Variants in TJP1 observed in about 807,000 individuals in gnomAD.
TJP1 encodes the protein tight junction protein ZO-1.
TJP1 carries 43 observed loss-of-function variants against 194.2 expected under a neutral mutation model. The ratio of observed to expected loss-of-function variants is 0.22; its 90% CI spans 0.17 to 0.29. TJP1 has a LOEUF of 0.29. Among genes scored for constraint, TJP1 ranks in the 10% least tolerant of loss-of-function variants. The pLI, the probability that TJP1 is intolerant of heterozygous loss-of-function variation, is 1.00. For synonymous variants in TJP1, 801 were observed against 779.0 expected (o/e 1.03, Z -0.47); for missense variants, 1,971 against 2,185.7 (o/e 0.90, Z 1.96).
At chr15:29,825,565 A>G (rs141791464), upstream of TJP1, among the ~76,000 whole-genome samples, 1 of 152,312 alleles carries the variant, frequency 6.6e-6, no homozygotes, top group East Asian at 1.9e-4. Flanking sequence ...GACCAAATGA[A>G]CAACTATATC....
At chr15:29,852,618 A>C (rs1401892450) in intron 2 of TJP1, among the ~76,000 whole-genome samples, 1 of 152,234 alleles carries the variant, frequency 6.6e-6, no homozygotes, top group East Asian at 1.9e-4. Context: ...CCAGCAAAAT[A>C]AAAACTTAGG....
chr15:29,962,763 C>T (rs972428809), intron 1 of TJP1, among the ~76,000 whole-genome samples: 17 of 152,214 alleles, frequency 1.1e-4, no homozygotes, highest in African/African-American at 3.9e-4. Flanking sequence ...AGCTTAATAA[C>T]TCATGTAATA....
In TJP1 at chr15:29,798,286, C is replaced by A. The variant is rs1448671748; in HGVS notation, c.84+2360G>T. On this transcript the variant is annotated intron_variant, in intron 2 of 27. Coordinates refer to ENST00000614355, the MANE Select transcript of TJP1 (RefSeq NM_001330239.4). ...GTGCCCAGCGTTTTTTTTTTTTTTT[C>A]TTTTCTTTCTAAATCTGACAATACG... Among the ~76,000 whole-genome samples the A allele has an allele frequency of 4.1e-5, 4 of 98,248 alleles. No homozygotes were observed. In the East Asian group the frequency reaches 1.2e-3, roughly 29 times the overall value. 64.5% of individuals were successfully genotyped at this position (98,248 alleles called of 152,430 possible). A position where few individuals can be genotyped will look rare whatever the true frequency, so the allele number is the denominator to read the frequency against.
chr15:29,912,577 A>G (rs947988671), intron 2 of TJP1, among the ~76,000 whole-genome samples: 4 of 151,734 alleles, frequency 2.6e-5, no homozygotes, highest in Non-Finnish European at 4.4e-5. Flanking sequence ...GTGGTAGTGC[A>G]TGCCTGTAAT....
chr15:29,907,935 T>C (rs2053871600), intron 2 of TJP1, among the ~76,000 whole-genome samples: 1 of 151,212 alleles, frequency 6.6e-6, no homozygotes, highest in Non-Finnish European at 1.5e-5. Flanking sequence ...TTTCTGCTCT[T>C]TAGAAAAACA....
Position 29,822,046 on chromosome 15 carries a change from CCG to C in TJP1, c.-20_-19del. 1 of 1,312,446 alleles carries C rather than the reference CCG, an allele frequency of 7.6e-7. No individual in the cohort carries two copies. The highest frequency in any genetic ancestry group is 2.4e-5 in the South Asian group (1 of 42,520). The allele number at this position is 1,312,446 out of a possible 1,614,324, so 81.3% of individuals were successfully genotyped here. A position where few individuals can be genotyped will look rare whatever the true frequency, so the allele number is the denominator to read the frequency against. ...GCGGACATCTTGTCTCTCTCCAGCG[CCG>C]CGCGAGGCTCCTCGGACCCGAAACT... On this transcript the variant is annotated 5_prime_UTR_variant, in exon 1 of 28. Coordinates refer to ENST00000614355, the MANE Select transcript of TJP1 (RefSeq NM_001330239.4).
At chr15:29,956,152 C>T (rs934398030) in intron 2 of TJP1, 39 of 1,077,366 alleles carry the variant, frequency 3.6e-5, no homozygotes, top group Non-Finnish European at 4.3e-5. Context: ...AATAAGTCTG[C>T]TGCATTTTTA....
chr15:29,888,604 T>C (rs531012098), intron 2 of TJP1, among the ~76,000 whole-genome samples: 115 of 152,342 alleles, frequency 7.5e-4, no homozygotes, highest in African/African-American at 2.5e-3. Context: ...GGCATTTAAA[T>C]ACAAATAAAA....
intron 23 of TJP1, among the ~76,000 whole-genome samples, chr15:29,713,541 G>T (rs2042371014): frequency 6.6e-6 from 1 of 152,158 alleles, no homozygotes; most frequent in Non-Finnish European, 1.5e-5. Flanking sequence ...AGAAAATTTT[G>T]CTACTCCTGT....
chr15:29,929,935 A>T (rs2054652186), intron 2 of TJP1, among the ~76,000 whole-genome samples: 1 of 152,140 alleles, frequency 6.6e-6, no homozygotes, highest in Admixed American at 6.5e-5. Context: ...GACATTTTTG[A>T]AAAAGAATAC....
intron 10 of TJP1, among the ~76,000 whole-genome samples, chr15:29,738,232 T>C (rs2044165277): frequency 1.3e-5 from 2 of 152,284 alleles, no homozygotes; most frequent in South Asian, 4.1e-4. Flanking sequence ...GATTCATAAG[T>C]ACTCTCACAT....
chr15:29,713,478 C>A (rs1372547819), intron 23 of TJP1, among the ~76,000 whole-genome samples: 1 of 152,206 alleles, frequency 6.6e-6, no homozygotes, highest in Non-Finnish European at 1.5e-5. Context: ...CTAATTCTCA[C>A]CATTTCTGAG....
chr15:29,885,700 T>A (rs550893369), intron 2 of TJP1, among the ~76,000 whole-genome samples: 8 of 152,234 alleles, frequency 5.3e-5, no homozygotes, highest in Non-Finnish European at 1.0e-4. Flanking sequence ...TTTGGGCATC[T>A]AAGAACATCT....
chr15:29,788,088 T>C (rs1487532030), intron 2 of TJP1, among the ~76,000 whole-genome samples: 1 of 152,240 alleles, frequency 6.6e-6, no homozygotes, highest in South Asian at 2.1e-4. Context: ...TTTTCATGCA[T>C]TTATTGCACA....
At chr15:29,916,551 A>G (rs2054193269) in intron 2 of TJP1, among the ~76,000 whole-genome samples, 1 of 152,178 alleles carries the variant, frequency 6.6e-6, no homozygotes, top group Admixed American at 6.5e-5. Flanking sequence ...GAAAGCCAAA[A>G]TGGAAACTAC....
At chr15:29,765,488 G>A (rs1029804347) in intron 5 of TJP1, among the ~76,000 whole-genome samples, 1 of 152,132 alleles carries the variant, frequency 6.6e-6, no homozygotes, top group Non-Finnish European at 1.5e-5. Context: ...AAGCAGCTGA[G>A]TTTCAGTTTC....
intron 1 of TJP1, 46 bp from the exon 2 acceptor site, chr15:29,800,748 G>T: frequency 6.3e-7 from 1 of 1,591,392 alleles, no homozygotes; most frequent in South Asian, 1.1e-5. Flanking sequence ...TTAAGAAAAT[G>T]TCCTTAATAA....
chr15:29,875,050 A>AGGAT (rs1233468470), intron 2 of TJP1, among the ~76,000 whole-genome samples: 1 of 152,242 alleles, frequency 6.6e-6, no homozygotes, highest in Non-Finnish European at 1.5e-5. Context: ...ACTTGCCTAA[A>AGGAT]GGATGAGAAA....
chr15:29,702,314 A>C (rs547808397), intron 27 of TJP1, among the ~76,000 whole-genome samples: 1 of 152,222 alleles, frequency 6.6e-6, no homozygotes, highest in East Asian at 1.9e-4. Flanking sequence ...TGGACAACAA[A>C]ATTAATCATG....
Sources: gnomAD v4.1 joint callset for allele counts (sites outside exome capture counted in the v4.1 genomes callset) on GRCh38, gnomAD v4.1.1 for gene constraint, MANE v1.5 for transcripts, NCBI Gene and HGNC (gene_info 2026-07-23, HGNC 2026-07-21) for gene names.